UBXN1: variants seen among roughly 807,000 people sequenced by gnomAD.
The protein encoded by UBXN1 is UBX domain-containing protein 1.
UBXN1 carries 21 observed loss-of-function variants against 42.0 expected under a neutral mutation model. The ratio of observed to expected loss-of-function variants is 0.50; its 90% CI spans 0.35 to 0.72. The LOEUF is 0.72. Among genes scored for constraint, UBXN1 ranks in the 30% least tolerant of loss-of-function variants. The pLI, the probability that UBXN1 is intolerant of heterozygous loss-of-function variation, is 0.00. For missense variants in UBXN1, 374 were observed against 382.2 expected (o/e 0.98, Z 0.18); for synonymous variants, 172 against 142.6 (o/e 1.21, Z -1.47).
rs1191769132 is a variant in UBXN1, at chr11:62,678,350, T to C, written c.279A>G (p.Glu93=). ...KPALSEEERQ[E]QTKRMLELVA... is the part of the protein sequence containing the mutation. ...TGTTGTTACTGTACCTCTTAGTTTG[T>C]TCCTGTCTTTCCTCTTCACTCAAAG... The change falls in exon 4 of 9, where the codon GAA becomes GAG. Residue 93 remains glutamate, a synonymous_variant. Coordinates refer to ENST00000301935, the MANE Select transcript of UBXN1 (RefSeq NM_001286077.2). 18 of 1,614,062 alleles carry C rather than the reference T, an allele frequency of 1.1e-5. No homozygotes were observed. Among genetic ancestry groups the C allele is most frequent in the Non-Finnish European group, 1.4e-5 (17 of 1,180,032 alleles).
In UBXN1 at chr11:62,678,871, C is replaced by G; in HGVS notation, c.53G>C (p.Gly18Ala). 6.2e-7 allele frequency: 1 copy of G among 1,604,974 alleles called. No homozygotes were observed. The highest frequency in any genetic ancestry group is 8.5e-7 in the Non-Finnish European group (1 of 1,177,536). ...ESLIEMGFPR[G>A]RAEKALALTG... is the part of the protein sequence containing the mutation. ...GGTTGGGGAACTCCCTTACGCGCGT[C>G]CCCTGGGGAAGCCCATCTCGATGAG... Residue 18 changes from glycine (G) to alanine (A), a missense_variant, in exon 1 of 9, where the codon GGA becomes GCA. By Grantham distance (60) the Gly-to-Ala change is moderately conservative (BLOSUM62 0). Transcript: ENST00000301935.
Position 62,678,544 on chromosome 11 carries a change from T to C in UBXN1, c.171A>G (p.Gly57=). The C allele has an allele frequency of 6.2e-7, 1 of 1,612,226 alleles. No homozygotes were observed. The change falls in exon 3 of 9, where the codon GGA becomes GGG. Residue 57 remains glycine (G), a synonymous_variant. Coordinates refer to ENST00000301935, the MANE Select transcript of UBXN1 (RefSeq NM_001286077.2). ...AAGTGGGCTCCCGTCCCAGGATATG[T>C]CCAAGGGGAGTCTCTAAAGGCTCGT... The part of the protein sequence containing the change: ...DVDEPLETPL[G]HILGREPTSS...
At chr11:62,677,364 A>G (rs1333588758) in intron 7 of UBXN1, 154 bp downstream of exon 7, 1 of 790,620 alleles carries the variant, frequency 1.3e-6, no homozygotes, top group East Asian at 2.4e-5. Flanking sequence ...GAAATTTGAT[A>G]CCTTTCCCAA....
Position 62,677,766 on chromosome 11 carries a change from T to C in UBXN1, c.534+15A>G. ...TGCCCACTCCATTACCCGTGGCGTC[T>C]TCTCAGTCACCTACCTTCTTGGCTC... On this transcript the variant is annotated intron_variant, in intron 6 of 8. Transcript: ENST00000301935. 6.2e-7 allele frequency: 1 copy of C among 1,614,258 alleles called. No individual in the cohort carries two copies. The highest frequency in any genetic ancestry group is 8.5e-7 in the Non-Finnish European group (1 of 1,180,048).
intron 2 of UBXN1, 31 bp from the exon 3 acceptor site, chr11:62,678,632 T>C: frequency 6.2e-7 from 1 of 1,612,964 alleles, no homozygotes; most frequent in Non-Finnish European, 8.5e-7. Flanking sequence ...GGAGGTTAGC[T>C]TTGAGGCTGC....
chr11:62,677,379 A>G (rs1590859155), intron 7 of UBXN1, 139 bp downstream of exon 7: 1 of 866,704 alleles, frequency 1.2e-6, no homozygotes, highest in Non-Finnish European at 1.9e-6. Context: ...TCCCAAGAGT[A>G]GAGATAGGAT....
Position 62,679,060 on chromosome 11 carries a change from A to C in UBXN1, c.-137T>G. ...TCACCCGGCTCTATAGCAGCCGGGA[A>C]CACCGACGAGAAGAAAGCCGAGGGG... On this transcript the variant is annotated 5_prime_UTR_variant, in exon 1 of 9. Transcript: ENST00000301935. 1.1e-6 allele frequency: 1 copy of C among 938,546 alleles called. No individual in the cohort carries two copies. The highest frequency in any genetic ancestry group is 1.7e-5 in the African/African-American group (1 of 60,380). 58.1% of individuals were successfully genotyped at this position (938,546 alleles called of 1,614,324 possible).
chr11:62,676,824 A>T lies in UBXN1; in HGVS notation c.833T>A (p.Leu278Gln). 6.2e-7 allele frequency: 1 copy of T among 1,614,212 alleles called. No homozygotes were observed. Among genetic ancestry groups the T allele is most frequent in the African/African-American group, 1.3e-5 (1 of 75,064 alleles). ...AFSEADMERPLQELGLVPSAV... is the reference protein window; with the variant it reads ...AFSEADMERPQQELGLVPSAV... ...TCTTGCAGCCATACCCAGCTCCTGC[A>T]GAGGCCGCTCCATGTCAGCTTCTGA... The change falls in exon 8 of 9, where the codon CTG becomes CAG. Residue 278 changes from leucine to glutamine, a missense_variant. Coordinates refer to ENST00000301935, the MANE Select transcript of UBXN1 (RefSeq NM_001286077.2).
rs1565134336 is a variant in UBXN1, at chr11:62,676,937, C to A, written c.720G>T (p.Arg240Ser). ...FRAREQLAAV[R>S]LYVELHRGEE... ...CCCCACGGTGGAGCTCCACATAGAG[C>A]CTCACAGCTGCCAGCTGTTCCCGGG... The change falls in exon 8 of 9, where the codon AGG (arginine) becomes AGT (serine). Residue 240 changes from arginine to serine, a missense_variant. Arg to Ser is a moderately radical substitution (Grantham distance 110). Transcript: ENST00000301935. The A allele has an allele frequency of 1.9e-6, 3 of 1,613,170 alleles. No individual in the cohort carries two copies. Among genetic ancestry groups the A allele is most frequent in the Non-Finnish European group, 1.7e-6 (2 of 1,180,050 alleles).
chr11:62,676,990 C>T lies in UBXN1; in HGVS notation c.667G>A (p.Gly223Arg). 6.2e-7 allele frequency: 1 copy of T among 1,609,872 alleles called. No homozygotes were observed. Among genetic ancestry groups the T allele is most frequent in the Non-Finnish European group, 8.5e-7 (1 of 1,179,710 alleles). ...CGGAACGTCTGGGTCAGTGAGGTCC[C>T]ATCTGGCAGCCTGACCTAAAGGGCA... is the stretch of plus-strand genomic sequence containing the variant. ...QCRIQVRLPD[G>R]TSLTQTFRAR... The change falls in exon 8 of 9, where the codon GGG becomes AGG. Residue 223 changes from glycine to arginine, a missense_variant. Transcript: ENST00000301935.
rs778633311 is a variant in UBXN1, at chr11:62,678,148, G to C, written c.291-30C>G. 7.4e-6 allele frequency: 12 copies of C among 1,611,678 alleles called. No individual in the cohort carries two copies. The South Asian group carries it at 1.1e-4, about 15-fold the overall frequency. On this transcript the variant is annotated intron_variant, in intron 4 of 8. Transcript: ENST00000301935. ...GTTGCCGAGGGAAAACAGTTCAAGA[G>C]AAATGGACAGAGTGGGAAGGTGTAA...
intron 4 of UBXN1, 75 bp from the exon 5 acceptor site, chr11:62,678,193 T>C: frequency 6.2e-7 from 1 of 1,602,024 alleles, no homozygotes; most frequent in Non-Finnish European, 8.5e-7. Flanking sequence ...TAAACAAAAT[T>C]AGGCGACATA....
rs773362881 is a variant in UBXN1 at position 62,676,909 on chromosome 11, C to T, written c.748G>A (p.Glu250Lys). 6.2e-6 allele frequency: 10 copies of T among 1,613,738 alleles called. No homozygotes were observed. Among genetic ancestry groups the T allele is most frequent in the Admixed American group, 1.7e-5 (1 of 59,998 alleles). Residue 250 changes from glutamate to lysine, a missense_variant, in exon 8 of 9, where the codon GAA becomes AAA. By Grantham distance (56) the Glu-to-Lys change is moderately conservative (BLOSUM62 1). Transcript: ENST00000301935. Reference protein sequence around the residue: ...RLYVELHRGEELGGGQDPVQL... With the variant: ...RLYVELHRGEKLGGGQDPVQL... Reference sequence around the variant, plus strand: ...ACAGGGTCCTGGCCCCCACCTAGTTCCTCCCCACGGTGGAGCTCCACATAG... The same window carrying T: ...ACAGGGTCCTGGCCCCCACCTAGTTTCTCCCCACGGTGGAGCTCCACATAG...
chr11:62,677,398 T>A, intron 7 of UBXN1, 120 bp downstream of exon 7: 1 of 1,014,932 alleles, frequency 9.9e-7, no homozygotes, highest in South Asian at 1.4e-5. Context: ...ATTTCAAAAG[T>A]CATTTACAAA....
In UBXN1 at chr11:62,676,831, G is replaced by A; in HGVS notation, c.826C>T (p.Arg276Trp). The A allele has an allele frequency of 2.5e-6, 4 of 1,614,078 alleles. No homozygotes were observed. Among genetic ancestry groups the A allele is most frequent in the Non-Finnish European group, 3.4e-6 (4 of 1,180,024 alleles). Residue 276 changes from arginine to tryptophan, a missense_variant, in exon 8 of 9, where the codon CGG becomes TGG. Transcript: ENST00000301935. The part of the protein sequence containing the change: ...RRAFSEADME[R>W]PLQELGLVPS... ...GCCATACCCAGCTCCTGCAGAGGCC[G>A]CTCCATGTCAGCTTCTGAGAAGGCC... is the stretch of plus-strand genomic sequence containing the variant.
In UBXN1 at chr11:62,678,910, G is replaced by A. The variant is rs761234396; in HGVS notation, c.14C>T (p.Thr5Met). ...CATCTCGATGAGACTCTCAAGAGCC[G>A]TCAGCTCCGCCATGGCGCCGACACC... MAEL[T>M]ALESLIEMGF... Residue 5 changes from threonine to methionine, a missense_variant, in exon 1 of 9, where the codon ACG becomes ATG. Physicochemically the swap from Thr to Met is moderately conservative, Grantham distance 81. Coordinates refer to ENST00000301935, the MANE Select transcript of UBXN1 (RefSeq NM_001286077.2). 25 of 1,593,176 alleles carry A rather than the reference G, an allele frequency of 1.6e-5. No homozygotes were observed. The highest frequency in any genetic ancestry group is 2.0e-5 in the Non-Finnish European group (23 of 1,172,994).
At position 62,677,494 on chromosome 11, in the gene UBXN1, G is replaced by A. The variant is rs374007851; in HGVS notation, c.651+24C>T. 20 of 1,611,582 alleles carry A rather than the reference G, an allele frequency of 1.2e-5. 1 individual carries two copies. The highest frequency in any genetic ancestry group is 2.2e-5 in the East Asian group (1 of 44,864). ...ACACGGAACAAAGGGGTCCCAAGAG[G>A]AAGATAAGAATTAGAATCAGTACCT... On this transcript the variant is annotated intron_variant, in intron 7 of 8. Coordinates refer to ENST00000301935, the MANE Select transcript of UBXN1 (RefSeq NM_001286077.2).
At chr11:62,676,711 A>T in intron 8 of UBXN1, 72 bp from the exon 9 acceptor site, 2 of 1,614,060 alleles carry the variant, frequency 1.2e-6, no homozygotes, top group Non-Finnish European at 1.7e-6. Context: ...CTGGCCTTGC[A>T]CCATGTTCAC....
Position 62,677,508 on chromosome 11 carries a change from G to C in UBXN1, c.651+10C>G, listed in dbSNP as rs367546987. 3.2e-5 allele frequency: 51 copies of C among 1,613,636 alleles called. No homozygotes were observed. In the African/African-American group the frequency reaches 6.4e-4, roughly 20 times the overall value. Reference sequence around the variant, plus strand: ...GGTCCCAAGAGGAAGATAAGAATTAGAATCAGTACCTGTATGCGACACTGG... The same window carrying C: ...GGTCCCAAGAGGAAGATAAGAATTACAATCAGTACCTGTATGCGACACTGG... On this transcript the variant is annotated intron_variant, in intron 7 of 8. Coordinates refer to ENST00000301935, the MANE Select transcript of UBXN1 (RefSeq NM_001286077.2).
Sources: allele counts gnomAD v4.1 joint callset, GRCh38; gene constraint gnomAD v4.1.1; transcripts MANE v1.5; gene names NCBI Gene and HGNC (gene_info 2026-07-23, HGNC 2026-07-21).